The following PCSK6 variants were observed in gnomAD, a reference collection of about 807,000 sequenced individuals.
PCSK6 encodes the protein paired basic amino acid cleaving enzyme 4.
PCSK6 carries 85 observed loss-of-function variants against 123.3 expected under a neutral mutation model. The ratio of observed to expected loss-of-function variants is 0.69; its 90% CI spans 0.58 to 0.83. The LOEUF is 0.83. PCSK6 is among the 40% of genes least tolerant of loss of function. PCSK6 has a pLI of 0.00. For missense variants in PCSK6, 1,191 were observed against 1,282.3 expected (o/e 0.93, Z 1.09); for synonymous variants, 508 against 516.0 (o/e 0.98, Z 0.21).
At chr15:101,480,912 T>TA (rs1270921361) in intron 1 of PCSK6, among the ~76,000 whole-genome samples, 1 of 151,928 alleles carries the variant, frequency 6.6e-6, no homozygotes, top group African/African-American at 2.4e-5. Flanking sequence ...AAATGACACT[T>TA]AAACAAAGCG....
chr15:101,404,360 G>C (rs1480833050), intron 6 of PCSK6, among the ~76,000 whole-genome samples: 1 of 152,194 alleles, frequency 6.6e-6, no homozygotes, highest in Non-Finnish European at 1.5e-5. Context: ...TTTCTGGGTG[G>C]AGAGGAGGGG....
At chr15:101,327,439 C>T (rs1328076602) in intron 15 of PCSK6, among the ~76,000 whole-genome samples, 2 of 152,176 alleles carry the variant, frequency 1.3e-5, no homozygotes, top group Non-Finnish European at 2.9e-5. Flanking sequence ...GGGTGGACTC[C>T]TGCCTACTGC....
At chr15:101,354,083 GA>G (rs2040971905) in intron 13 of PCSK6, among the ~76,000 whole-genome samples, 1 of 152,192 alleles carries the variant, frequency 6.6e-6, no homozygotes, top group South Asian at 2.1e-4. Flanking sequence ...GTGGAAGATG[GA>G]TCTGAGAAGC....
chr15:101,379,092 C>A (rs3825915), intron 11 of PCSK6, among the ~76,000 whole-genome samples: 82,172 of 152,136 alleles, frequency 0.54, 23,954 homozygotes, highest in Non-Finnish European at 0.65. Flanking sequence ...CAGCTCTGTG[C>A]AGTCATTCGG....
At chr15:101,419,408 G>T (rs2056003499) in intron 6 of PCSK6, among the ~76,000 whole-genome samples, 1 of 151,990 alleles carries the variant, frequency 6.6e-6, no homozygotes, top group South Asian at 2.1e-4. Flanking sequence ...AAAAAACAAT[G>T]TAAAAGAAGA....
At chr15:101,417,812 A>T (rs1421978124) in intron 6 of PCSK6, among the ~76,000 whole-genome samples, 2 of 151,880 alleles carry the variant, frequency 1.3e-5, no homozygotes, top group Non-Finnish European at 2.9e-5. Flanking sequence ...GAACTCAATT[A>T]AAAAAAACCT....
chr15:101,443,519 C>T (rs1367091456), intron 2 of PCSK6, 37 bp downstream of exon 2: 8 of 1,443,904 alleles, frequency 5.5e-6, no homozygotes, highest in Non-Finnish European at 7.8e-6. Flanking sequence ...AGACCCAAAC[C>T]CTCCAGCCCT....
intron 1 of PCSK6, among the ~76,000 whole-genome samples, chr15:101,458,722 C>A (rs974999505): frequency 6.6e-6 from 1 of 152,188 alleles, no homozygotes; most frequent in South Asian, 2.1e-4. Flanking sequence ...TTCTCCCCAG[C>A]GGCAACCACA....
chr15:101,466,045 A>G (rs2057452072), intron 1 of PCSK6, among the ~76,000 whole-genome samples: 1 of 152,144 alleles, frequency 6.6e-6, no homozygotes, highest in South Asian at 2.1e-4. Context: ...AAAGACAGAG[A>G]ATGTCAGAGT....
Position 101,393,548 on chromosome 15 carries a change from C to T in PCSK6, c.997-124G>A, listed in dbSNP as rs2042300249. ...AAGGGATAAGAAGGTTGCATTCAGA[C>T]CATCTGGATGCTGCTGAGAGCATGG... On this transcript the variant is annotated intron_variant, in intron 7 of 21. Coordinates refer to ENST00000611716, the MANE Select transcript of PCSK6 (RefSeq NM_002570.5). 5 of 678,932 alleles carry T rather than the reference C, an allele frequency of 7.4e-6. No individual in the cohort carries two copies. The South Asian group carries it at 7.8e-5, about 11-fold the overall frequency. The allele number at this position is 678,932 out of a possible 1,614,324, so 42.1% of individuals were successfully genotyped here. A position where few individuals can be genotyped will look rare whatever the true frequency, so the allele number is the denominator to read the frequency against.
chr15:101,409,031 G>C (rs1186600626), intron 6 of PCSK6, among the ~76,000 whole-genome samples: 1 of 152,212 alleles, frequency 6.6e-6, no homozygotes, highest in African/African-American at 2.4e-5. Flanking sequence ...CCGGGGGCCG[G>C]AGCAGGGGAG....
chr15:101,418,815 G>C (rs1317896402), intron 6 of PCSK6, among the ~76,000 whole-genome samples: 2 of 152,106 alleles, frequency 1.3e-5, no homozygotes, highest in Non-Finnish European at 2.9e-5. Flanking sequence ...GCCTAGCCCA[G>C]TTTAGGAAAT....
chr15:101,382,279 C>T, intron 10 of PCSK6, 70 bp from the exon 11 acceptor site: 1 of 1,232,508 alleles, frequency 8.1e-7, no homozygotes, highest in Non-Finnish European at 1.2e-6. Context: ...CTGGCTCTTG[C>T]ATCTGCCGGG....
At chr15:101,429,044 A>C (rs1352336880) in intron 5 of PCSK6, among the ~76,000 whole-genome samples, 2 of 152,224 alleles carry the variant, frequency 1.3e-5, no homozygotes, top group African/African-American at 2.4e-5. Context: ...GGCTTCCTGC[A>C]CAGCATTGCC....
chr15:101,477,244 C>T (rs551728235), intron 1 of PCSK6, among the ~76,000 whole-genome samples: 1 of 151,446 alleles, frequency 6.6e-6, no homozygotes, highest in East Asian at 1.9e-4. Flanking sequence ...TATGTGTGTG[C>T]GTGTGTGTGT....
intron 9 of PCSK6, among the ~76,000 whole-genome samples, chr15:101,385,307 C>T (rs377081926): frequency 7.9e-5 from 12 of 152,296 alleles, no homozygotes; most frequent in African/African-American, 2.4e-4. Context: ...TGTGAGCCAC[C>T]ACACCTGGCC....
intron 2 of PCSK6, among the ~76,000 whole-genome samples, chr15:101,432,459 C>CAA (rs56385883): frequency 0.54 from 62,784 of 116,998 alleles, 15,894 homozygotes; most frequent in Admixed American, 0.58. Context: ...CCCACCTCTC[C>CAA]AAAAAAAAAA....
intron 6 of PCSK6, among the ~76,000 whole-genome samples, chr15:101,405,167 T>G (rs1443159549): frequency 6.6e-6 from 1 of 152,198 alleles, no homozygotes; most frequent in Non-Finnish European, 1.5e-5. Flanking sequence ...TGAATGGCTC[T>G]CTGGAAATGC....
intron 18 of PCSK6, among the ~76,000 whole-genome samples, chr15:101,320,599 C>G (rs1241466211): frequency 6.6e-6 from 1 of 152,178 alleles, no homozygotes; most frequent in Non-Finnish European, 1.5e-5. Flanking sequence ...ATGGCGGACA[C>G]CCACCCGGCG....
Sources: allele counts gnomAD v4.1 joint callset (sites outside exome capture counted in the v4.1 genomes callset), GRCh38; gene constraint gnomAD v4.1.1; transcripts MANE v1.5; gene names NCBI Gene and HGNC (gene_info 2026-07-23, HGNC 2026-07-21).